MACF1: variants seen among roughly 807,000 people sequenced by gnomAD.
The protein encoded by MACF1 is microtubule actin crosslinking factor 1, also known as microtubule-actin cross-linking factor 1.
MACF1 carries 193 observed loss-of-function variants against 854.8 expected under a neutral mutation model. That is an observed-to-expected ratio of 0.23 (90% CI 0.20 to 0.25). The LOEUF (loss-of-function observed/expected upper bound fraction) is 0.25. MACF1 is among the 10% of genes least tolerant of loss of function. MACF1 has a pLI of 1.00. For synonymous variants in MACF1, 3,185 were observed against 3,226.7 expected (o/e 0.99, Z 0.44); for missense variants, 7,722 against 8,929.1 (o/e 0.86, Z 5.45).
chr1:39,096,782 GT>G (rs1641948668), intron 2 of MACF1, among the ~76,000 whole-genome samples: 1 of 150,602 alleles, frequency 6.6e-6, no homozygotes, highest in Non-Finnish European at 1.5e-5. Flanking sequence ...TCCTCTAGTA[GT>G]AAATATACCA....
intron 2 of MACF1, among the ~76,000 whole-genome samples, chr1:39,193,702 C>T (rs1644283757): frequency 6.6e-6 from 1 of 151,950 alleles, no homozygotes; most frequent in South Asian, 2.1e-4. Flanking sequence ...GTAATTGGTT[C>T]ATAGATACAC....
rs190823733 is a variant in MACF1 at position 39,452,142 on chromosome 1, A to G, written c.20419-14A>G. 261 of 1,575,026 alleles carry G rather than the reference A, an allele frequency of 1.7e-4. 1 individual carries two copies. Among genetic ancestry groups the G allele is most frequent in the Non-Finnish European group, 3.9e-5 (45 of 1,161,574 alleles). The stretch of plus-strand genomic sequence containing the variant: ...ATTCCTTGAACAAACAAATTCTCCT[A>G]TTTTCTTTTCTAGGTTTTCCAGAAG... On this transcript the variant is annotated splice_polypyrimidine_tract_variant and intron_variant, in intron 85 of 100. Coordinates refer to ENST00000564288, the MANE Select transcript of MACF1 (RefSeq NM_001394062.1).
At chr1:39,239,469 T>G (rs1353357604) in intron 2 of MACF1, among the ~76,000 whole-genome samples, 1 of 152,228 alleles carries the variant, frequency 6.6e-6, no homozygotes, top group Non-Finnish European at 1.5e-5. Context: ...TAAAAGAGAT[T>G]TGTTAAGGAT....
chr1:39,270,361 A>G (rs1645293079), intron 6 of MACF1, among the ~76,000 whole-genome samples: 1 of 152,146 alleles, frequency 6.6e-6, no homozygotes, highest in African/African-American at 2.4e-5. Flanking sequence ...GGTTAGGGCA[A>G]TTTGAAGGTT....
At chr1:39,304,563 TTC>T in intron 23 of MACF1, 1 of 945,630 alleles carries the variant, frequency 1.1e-6, no homozygotes, top group East Asian at 2.7e-5. Flanking sequence ...TTTCTTTTCT[TTC>T]TTTTTTTTTT....
intron 61 of MACF1, 42 bp downstream of exon 61, chr1:39,424,236 TTTG>T: frequency 6.4e-7 from 1 of 1,558,514 alleles, no homozygotes; most frequent in Non-Finnish European, 8.8e-7. Context: ...AGAGGTTTGT[TTTG>T]TTCTTCTTCG....
At chr1:39,119,089 C>T (rs1359349351) in intron 2 of MACF1, among the ~76,000 whole-genome samples, 3 of 152,080 alleles carry the variant, frequency 2.0e-5, no homozygotes, top group South Asian at 2.1e-4. Context: ...GAGGCCAAGG[C>T]GGGCAGATCA....
rs372785869 is a variant in MACF1 at position 39,485,821 on chromosome 1, A to G, written c.*27A>G. 6.5e-7 allele frequency: 1 copy of G among 1,546,968 alleles called. No homozygotes were observed. The highest frequency in any genetic ancestry group is 1.4e-5 in the African/African-American group (1 of 72,966). On this transcript the variant is annotated 3_prime_UTR_variant, in exon 101 of 101. Transcript: ENST00000564288. ...ACTGTCTAAGCACCCCCAAGCCACT[A>G]TCCACTTTGAATCCTGCTCCATACA...
chr1:39,477,073 A>ACACACACACACATATATACACTTAGTG (rs1481277864), intron 97 of MACF1, among the ~76,000 whole-genome samples: 3 of 37,866 alleles, frequency 7.9e-5, no homozygotes, highest in Admixed American at 3.3e-4. Flanking sequence ...ATATATATAT[A>ACACACACACACATATATACACTTAGTG]TATATATATA....
rs781411921 is a variant in MACF1, at chr1:39,287,340, G to A, written c.1563G>A (p.Leu521=). The A allele has an allele frequency of 2.0e-5, 32 of 1,613,972 alleles. No homozygotes were observed. The East Asian group carries it at 6.5e-4, about 33-fold the overall frequency. Residue 521 remains leucine (L), a synonymous_variant, in exon 15 of 101, where the codon CTG becomes CTA. Transcript: ENST00000564288. ...CCTTGCGTCTAGAGTGTACAAACCTGTACCGGAAGGGTCATTTCACTTCAC... is the reference window on the plus strand; with the variant it reads ...CCTTGCGTCTAGAGTGTACAAACCTATACCGGAAGGGTCATTTCACTTCAC... ...LVTLRLECTN[L]YRKGHFTSLE... is the part of the protein sequence containing the mutation.
At chr1:39,414,285 G>A in intron 58 of MACF1, 1 of 1,614,034 alleles carries the variant, frequency 6.2e-7, no homozygotes, top group Non-Finnish European at 8.5e-7. Context: ...TGCCCTTCCT[G>A]GGAGTTTCTG....
At chr1:39,330,055 A>G (rs1646690632) in intron 36 of MACF1, among the ~76,000 whole-genome samples, 1 of 152,186 alleles carries the variant, frequency 6.6e-6, no homozygotes, top group Non-Finnish European at 1.5e-5. Flanking sequence ...GATTCAAACA[A>G]TTGTTTTCAT....
At chr1:39,101,036 C>T (rs568481802) in intron 2 of MACF1, among the ~76,000 whole-genome samples, 3 of 151,514 alleles carry the variant, frequency 2.0e-5, no homozygotes, top group Non-Finnish European at 4.4e-5. Flanking sequence ...GTTGGAATTA[C>T]AGGTGTGAGC....
At chr1:39,108,048 C>T (rs975812354) in intron 2 of MACF1, among the ~76,000 whole-genome samples, 1 of 149,322 alleles carries the variant, frequency 6.7e-6, no homozygotes, top group African/African-American at 2.5e-5. Flanking sequence ...GCTTGGCAAC[C>T]ATTTTTTTTT....
At chr1:39,157,458 C>T (rs1254846545) in intron 2 of MACF1, among the ~76,000 whole-genome samples, 1 of 152,226 alleles carries the variant, frequency 6.6e-6, no homozygotes, top group East Asian at 1.9e-4. Flanking sequence ...CACCCAATGG[C>T]ATCTTGTGAG....
chr1:39,458,447 G>C lies in MACF1; in HGVS notation c.21153G>C (p.Glu7051Asp). 6.2e-7 allele frequency: 1 copy of C among 1,614,116 alleles called. No individual in the cohort carries two copies. ...AGACATACAAAAGGAAAAACATAGA[G>C]CCTACTCACGCGCCTTTCATAGAGA... is the stretch of plus-strand genomic sequence containing the variant. ...VTKTYKRKNI[E>D]PTHAPFIEKS... is the part of the protein sequence containing the mutation. Residue 7051 changes from glutamate to aspartate, a missense_variant, in exon 90 of 101, where the codon GAG becomes GAC. Physicochemically the swap from Glu to Asp is conservative, Grantham distance 45 (BLOSUM62 2). Coordinates refer to ENST00000564288, the MANE Select transcript of MACF1 (RefSeq NM_001394062.1).
In MACF1 at chr1:39,105,812, G is replaced by C; in HGVS notation, c.220+21374G>C. On this transcript the variant is annotated intron_variant, in intron 2 of 93. Transcript: ENST00000361689. The surrounding 1 kb of genome is among the most constrained non-coding windows in gnomAD (Gnocchi z 5.9). ...TCGGCGGCTGCAGGTGGGGCGGCCGGGCGGGGTCGCACCCACCGCGCGGGG... is the reference window on the plus strand; with the variant it reads ...TCGGCGGCTGCAGGTGGGGCGGCCGCGCGGGGTCGCACCCACCGCGCGGGG... 1 of 950,922 alleles carries C rather than the reference G, an allele frequency of 1.1e-6. No individual in the cohort carries two copies. Among genetic ancestry groups the C allele is most frequent in the Non-Finnish European group, 1.3e-6 (1 of 796,492 alleles). 58.9% of individuals were successfully genotyped at this position (950,922 alleles called of 1,614,324 possible).
chr1:39,109,066 A>G (rs1642327027), intron 2 of MACF1, among the ~76,000 whole-genome samples: 1 of 152,206 alleles, frequency 6.6e-6, no homozygotes, highest in African/African-American at 2.4e-5. Context: ...TATCGTAGAA[A>G]GACTATGCTT....
intron 36 of MACF1, among the ~76,000 whole-genome samples, chr1:39,327,729 G>A (rs1252836380): frequency 6.6e-6 from 1 of 152,170 alleles, no homozygotes; most frequent in Non-Finnish European, 1.5e-5. Flanking sequence ...ATATTGGGAA[G>A]AAAAACCTGT....
Sources: allele counts gnomAD v4.1 joint callset (sites outside exome capture counted in the v4.1 genomes callset), GRCh38; gene constraint gnomAD v4.1.1; non-coding constraint Gnocchi (gnomAD v3.1); transcripts MANE v1.5; gene names NCBI Gene and HGNC (gene_info 2026-07-23, HGNC 2026-07-21).